DCST1: variants seen among roughly 807,000 people sequenced by gnomAD.
DCST1 encodes the protein E3 ubiquitin-protein ligase DCST1.
DCST1 carries 78 observed loss-of-function variants against 89.1 expected under a neutral mutation model. The ratio of observed to expected loss-of-function variants is 0.88; its 90% CI spans 0.73 to 1.06. The LOEUF is 1.06. Ranked by LOEUF, DCST1 falls within the 50% of genes least tolerant of loss-of-function variation. DCST1 has a pLI of 0.00. For missense variants in DCST1, 900 were observed against 928.6 expected (o/e 0.97, Z 0.40); for synonymous variants, 364 against 371.9 (o/e 0.98, Z 0.24).
chr1:155,035,842 C>A (rs4845704), intron 4 of DCST1, among the ~76,000 whole-genome samples: 64,703 of 151,658 alleles, frequency 0.43, 14,772 homozygotes, highest in East Asian at 0.87. Context: ...AGGCAGGAGG[C>A]TTGCTTGAAC....
At chr1:155,039,810 G>A (rs577419662) in intron 5 of DCST1, among the ~76,000 whole-genome samples, 66 of 151,442 alleles carry the variant, frequency 4.4e-4, no homozygotes, top group African/African-American at 1.5e-3. Context: ...ACCAGCCATG[G>A]TGAAACCCCA....
At position 155,034,115 on chromosome 1, in the gene DCST1, G is replaced by C; in HGVS notation, c.61+18G>C. 1 of 1,613,966 alleles carries C rather than the reference G, an allele frequency of 6.2e-7. No individual in the cohort carries two copies. Among genetic ancestry groups the C allele is most frequent in the Non-Finnish European group, 8.5e-7 (1 of 1,179,924 alleles). On this transcript the variant is annotated intron_variant, in intron 2 of 16. Transcript: ENST00000295542. ...TCATACCAGTGAGTCACTCAGCAGA[G>C]ACCCAGTATCCCTTGACCTCCACTC...
chr1:155,041,683 G>A (rs1038741058), intron 7 of DCST1, 31 bp from the exon 8 acceptor site: 1 of 1,614,124 alleles, frequency 6.2e-7, no homozygotes, highest in Non-Finnish European at 8.5e-7. Flanking sequence ...CAAGATGTGG[G>A]AACCTCAGAC....
chr1:155,039,604 G>C, intron 5 of DCST1, 73 bp downstream of exon 5: 1 of 1,453,690 alleles, frequency 6.9e-7, no homozygotes, highest in East Asian at 2.5e-5. Flanking sequence ...GAGCCAGGCC[G>C]GGTGAAGGAG....
At chr1:155,037,399 AC>A (rs1015118522) in intron 4 of DCST1, among the ~76,000 whole-genome samples, 1 of 143,908 alleles carries the variant, frequency 6.9e-6, no homozygotes, top group Non-Finnish European at 1.5e-5. Context: ...GCCCATTCCA[AC>A]CACTTTTCTC....
rs1272172888 is a variant in DCST1, at chr1:155,034,838, T to G, written c.262+111T>G. On this transcript the variant is annotated intron_variant, in intron 4 of 16. Coordinates refer to ENST00000295542, the MANE Select transcript of DCST1 (RefSeq NM_152494.4). ...GTTTCTTCTGTACCCATACATCCCCTGTGGCTTCCGCCTCCTCCTGGGCTT... is the reference window on the plus strand; with the variant it reads ...GTTTCTTCTGTACCCATACATCCCCGGTGGCTTCCGCCTCCTCCTGGGCTT... 8.5e-6 allele frequency: 10 copies of G among 1,176,858 alleles called. No homozygotes were observed. In the East Asian group the frequency reaches 1.4e-4, roughly 17 times the overall value. The allele number at this position is 1,176,858 out of a possible 1,614,324, so 72.9% of individuals were successfully genotyped here. A position where few individuals can be genotyped will look rare whatever the true frequency, so the allele number is the denominator to read the frequency against.
In DCST1 at chr1:155,044,212, C is replaced by T. The variant is rs189599360; in HGVS notation, c.1172+703C>T. Among the ~76,000 whole-genome samples the T allele has an allele frequency of 3.3e-5, 5 of 152,332 alleles. No individual in the cohort carries two copies. The East Asian group carries it at 7.7e-4, about 23-fold the overall frequency. ...ATAAGCTCATGATCGCCAGGCATGG[C>T]GGCTCACTCCTGTAATCCCAACATT... On this transcript the variant is annotated intron_variant, in intron 10 of 16. Transcript: ENST00000295542.
intron 4 of DCST1, among the ~76,000 whole-genome samples, chr1:155,037,634 G>A (rs1358106005): frequency 6.6e-6 from 1 of 151,812 alleles, no homozygotes; most frequent in Non-Finnish European, 1.5e-5. Context: ...AGTTGAGACA[G>A]CCATGTTGGC....
chr1:155,047,968 GCACA>G (rs111941107), intron 15 of DCST1, 39 bp downstream of exon 15: 3 of 1,549,908 alleles, frequency 1.9e-6, no homozygotes, highest in Admixed American at 1.7e-5. Context: ...CTACACACCT[GCACA>G]CACACACACA....
intron 4 of DCST1, among the ~76,000 whole-genome samples, chr1:155,037,992 G>A (rs948662646): frequency 1.3e-5 from 2 of 152,256 alleles, no homozygotes; most frequent in African/African-American, 4.8e-5. Flanking sequence ...AGGGGCTGGG[G>A]CAGGGCCAGG....
At position 155,041,475 on chromosome 1, in the gene DCST1, G is replaced by A. The variant is rs770667796; in HGVS notation, c.610G>A (p.Glu204Lys). Residue 204 changes from glutamate (E) to lysine (K), a missense_variant, in exon 7 of 17, where the codon GAG becomes AAG. By Grantham distance (56) the Glu-to-Lys change is moderately conservative. Transcript: ENST00000295542. ...FEDLDAQVNSETGYTPEDTMD... is the reference protein window; with the variant it reads ...FEDLDAQVNSKTGYTPEDTMD... ...GGACCTGGATGCCCAGGTGAATAGT[G>A]AGACGGGCTACACGCCTGAGGATAC... The A allele has an allele frequency of 3.7e-6, 6 of 1,613,986 alleles. No homozygotes were observed. In the African/African-American group the frequency reaches 5.3e-5, roughly 14 times the overall value.
At chr1:155,046,655 G>A (rs1248500900) in intron 13 of DCST1, among the ~76,000 whole-genome samples, 169 bp downstream of exon 13, 1 of 133,038 alleles carries the variant, frequency 7.5e-6, no homozygotes, top group East Asian at 2.1e-4. Flanking sequence ...CAGGCTGGAG[G>A]AGTGCATTGG....
rs1375228241 is a variant in DCST1, at chr1:155,045,923, T to C, written c.1203T>C (p.His401=). 3 of 1,614,236 alleles carry C rather than the reference T, an allele frequency of 1.9e-6. No individual in the cohort carries two copies. The highest frequency in any genetic ancestry group is 2.2e-5 in the East Asian group (1 of 44,886). ...TCTCCTACATGGACAGCTATAACCA[T>C]GACATTCGTTTTGACAACATCTACA... is the stretch of plus-strand genomic sequence containing the variant. ...ASFSYMDSYN[H]DIRFDNIYIS... The change falls in exon 11 of 17, where the codon CAT becomes CAC. Residue 401 remains histidine, a synonymous_variant. Transcript: ENST00000295542.
At chr1:155,047,390 T>C in intron 14 of DCST1, 78 bp downstream of exon 14, 2 of 1,325,018 alleles carry the variant, frequency 1.5e-6, no homozygotes, top group South Asian at 1.3e-5. Context: ...GGTAAAGAGT[T>C]AGGGGCCTGG....
chr1:155,035,668 G>A (rs369171257), intron 4 of DCST1, among the ~76,000 whole-genome samples: 90 of 152,246 alleles, frequency 5.9e-4, no homozygotes, highest in African/African-American at 2.1e-3. Flanking sequence ...AATGGCTCAC[G>A]CCTGTAATCC....
At position 155,046,148 on chromosome 1, in the gene DCST1, C is replaced by A; in HGVS notation, c.1296C>A (p.Leu432=). The change falls in exon 12 of 17, where the codon CTC becomes CTA. Residue 432 remains leucine, a synonymous_variant. Coordinates refer to ENST00000295542, the MANE Select transcript of DCST1 (RefSeq NM_152494.4). ...AGGGCAAACGGACTCTGCTGCCACT[C>A]CGCAAAGCTGAGGAGAAAACCGTCA... ...KKLGKRTLLP[L]RKAEEKTVIF... is the part of the protein sequence containing the mutation. 1 of 1,614,198 alleles carries A rather than the reference C, an allele frequency of 6.2e-7. No individual in the cohort carries two copies. The highest frequency in any genetic ancestry group is 8.5e-7 in the Non-Finnish European group (1 of 1,180,052).
chr1:155,048,933 G>C (rs1660753477), intron 16 of DCST1: 1 of 693,526 alleles, frequency 1.4e-6, no homozygotes, highest in African/African-American at 1.8e-5. Context: ...AAGGCACATG[G>C]AATCTGAGGA....
At chr1:155,036,895 C>G (rs1660293633) in intron 4 of DCST1, among the ~76,000 whole-genome samples, 1 of 152,270 alleles carries the variant, frequency 6.6e-6, no homozygotes. Context: ...TGGGAGTGCA[C>G]ACGTCCGTGC....
At chr1:155,033,812 C>A, upstream of DCST1, 1 of 1,482,988 alleles carries the variant, frequency 6.7e-7, no homozygotes, top group South Asian at 1.3e-5. Flanking sequence ...CTGCATATGT[C>A]TTGGAATCCT....
Sources: allele counts gnomAD v4.1 joint callset (sites outside exome capture counted in the v4.1 genomes callset), GRCh38; gene constraint gnomAD v4.1.1; transcripts MANE v1.5; gene names NCBI Gene and HGNC (gene_info 2026-07-23, HGNC 2026-07-21).